The following SAMD4A variants were observed in gnomAD, a reference collection of about 807,000 sequenced individuals.
SAMD4A encodes sterile alpha motif domain containing 4A.
A neutral mutation model predicts 81.3 loss-of-function variants in SAMD4A; 33 were observed. That is an observed-to-expected ratio of 0.41 (90% CI 0.31 to 0.54). The LOEUF (loss-of-function observed/expected upper bound fraction) is 0.54. Ranked by LOEUF, SAMD4A falls within the 20% of genes least tolerant of loss-of-function variation. The pLI, the probability that SAMD4A is intolerant of heterozygous loss-of-function variation, is 0.37. For synonymous variants in SAMD4A, 389 were observed against 382.1 expected, an observed-to-expected ratio of 1.02 and a Z score of -0.21; for missense variants, 854 against 951.1, an observed-to-expected ratio of 0.90 and a Z score of 1.34.
In SAMD4A at chr14:54,656,356, A is replaced by G. The variant is rs567489465; in HGVS notation, c.197-45706A>G. Reference sequence around the variant, plus strand: ...GAAACCATCAAAGGCTTCTCTCTCCATGTCACATCTTTGGAGAGGCTTCTG... The same window carrying G: ...GAAACCATCAAAGGCTTCTCTCTCCGTGTCACATCTTTGGAGAGGCTTCTG... On this transcript the variant is annotated intron_variant, in intron 2 of 12. Transcript: ENST00000554335. 2.0e-4 allele frequency among the ~76,000 whole-genome samples: 31 copies of G among 152,314 alleles called. No individual in the cohort carries two copies. In the South Asian group the frequency reaches 6.4e-3, roughly 32 times the overall value.
At chr14:54,740,373 T>C (rs1406260469) in intron 4 of SAMD4A, among the ~76,000 whole-genome samples, 2 of 152,210 alleles carry the variant, frequency 1.3e-5, no homozygotes, top group African/African-American at 4.8e-5. Context: ...ATTCTAATCG[T>C]TAAACGTCCA....
chr14:54,586,749 T>C (rs1187772999), intron 2 of SAMD4A, among the ~76,000 whole-genome samples: 2 of 152,192 alleles, frequency 1.3e-5, no homozygotes, highest in African/African-American at 4.8e-5. Context: ...TATTTGGCTT[T>C]ATTTCTGGGT....
chr14:54,621,778 T>G (rs1232863082), intron 2 of SAMD4A, among the ~76,000 whole-genome samples: 1 of 152,226 alleles, frequency 6.6e-6, no homozygotes. Flanking sequence ...AGGACATTGA[T>G]GCTTTCTTAT....
At chr14:54,663,760 G>C (rs1217852411) in intron 2 of SAMD4A, among the ~76,000 whole-genome samples, 1 of 152,080 alleles carries the variant, frequency 6.6e-6, no homozygotes, top group African/African-American at 2.4e-5. Flanking sequence ...AGGTACTGTG[G>C]GAGCTCACTT....
At chr14:54,727,833 G>T (rs56097261) in intron 3 of SAMD4A, among the ~76,000 whole-genome samples, 23,835 of 152,066 alleles carry the variant, frequency 0.16, 2,004 homozygotes, top group Middle Eastern at 0.3. Context: ...CACACACACA[G>T]ACACACACGC....
chr14:54,675,721 G>A (rs1456000976), intron 2 of SAMD4A, among the ~76,000 whole-genome samples: 1 of 152,208 alleles, frequency 6.6e-6, no homozygotes, highest in Non-Finnish European at 1.5e-5. Context: ...AACACAGTAT[G>A]TGCTCACCAC....
intron 2 of SAMD4A, among the ~76,000 whole-genome samples, chr14:54,627,147 G>A (rs890950635): frequency 2.6e-5 from 4 of 152,060 alleles, no homozygotes; most frequent in African/African-American, 9.7e-5. Flanking sequence ...CCCAGACTCT[G>A]GAATTAAATT....
intron 2 of SAMD4A, among the ~76,000 whole-genome samples, chr14:54,699,979 T>C (rs756783289): frequency 1.3e-5 from 2 of 152,234 alleles, no homozygotes; most frequent in African/African-American, 2.4e-5. Flanking sequence ...GAGTCAAGCA[T>C]CTCTTCATAT....
chr14:54,765,448 C>A lies in SAMD4A; in HGVS notation c.1596+908C>A, dbSNP rs1448315623. Among the ~76,000 whole-genome samples, 4 of 147,250 alleles carry A rather than the reference C, an allele frequency of 2.7e-5. 1 individual carries two copies. The highest frequency in any genetic ancestry group is 2.0e-4 in the Admixed American group (3 of 14,818). ...GACCTGCCTGGGAAACATATCAAGA[C>A]CCTGTCACTACGAAAAAAAAAAAAA... On this transcript the variant is annotated intron_variant, in intron 8 of 12. Coordinates refer to ENST00000554335, the MANE Select transcript of SAMD4A (RefSeq NM_015589.6).
At chr14:54,630,443 C>A (rs955515911) in intron 2 of SAMD4A, among the ~76,000 whole-genome samples, 1 of 152,168 alleles carries the variant, frequency 6.6e-6, no homozygotes, top group Non-Finnish European at 1.5e-5. Context: ...GTGATGTTGG[C>A]CATCGTCCCA....
intron 2 of SAMD4A, among the ~76,000 whole-genome samples, chr14:54,598,347 A>G (rs1195515220): frequency 6.6e-6 from 1 of 152,184 alleles, no homozygotes; most frequent in East Asian, 1.9e-4. Flanking sequence ...GTTACATGCA[A>G]ATACACAATG....
chr14:54,673,763 C>G (rs903018242), intron 2 of SAMD4A, among the ~76,000 whole-genome samples: 1 of 152,214 alleles, frequency 6.6e-6, no homozygotes, highest in Non-Finnish European at 1.5e-5. Flanking sequence ...AAGAGAGAGC[C>G]TAGCACTTCT....
chr14:54,604,857 A>G (rs960071918), intron 2 of SAMD4A, among the ~76,000 whole-genome samples: 3 of 152,212 alleles, frequency 2.0e-5, no homozygotes, highest in Non-Finnish European at 4.4e-5. Flanking sequence ...AAAAAACAGA[A>G]CATTACCAGT....
At position 54,607,613 on chromosome 14, in the gene SAMD4A, G is replaced by T. The variant is rs559436319; in HGVS notation, c.196+39501G>T. 8.6e-5 allele frequency among the ~76,000 whole-genome samples: 13 copies of T among 151,740 alleles called. No homozygotes were observed. The South Asian group carries it at 2.5e-3, about 29-fold the overall frequency. On this transcript the variant is annotated intron_variant, in intron 2 of 12. Coordinates refer to ENST00000554335, the MANE Select transcript of SAMD4A (RefSeq NM_015589.6). ...TGGGACTACAGGCGCCCGCCACCAT[G>T]CCCGGCTAATTTTTCTATTTTTAGT...
chr14:54,729,819 G>T (rs2037513774), intron 3 of SAMD4A, among the ~76,000 whole-genome samples: 1 of 152,192 alleles, frequency 6.6e-6, no homozygotes, highest in South Asian at 2.1e-4. Flanking sequence ...GAGGATTGAG[G>T]TAGTGTCCTT....
intron 6 of SAMD4A, among the ~76,000 whole-genome samples, chr14:54,752,214 C>G (rs1342534048): frequency 6.6e-6 from 1 of 152,238 alleles, no homozygotes; most frequent in Non-Finnish European, 1.5e-5. Context: ...TAGACAGGTC[C>G]TCTTCTTACC....
chr14:54,577,277 G>T (rs752069606), intron 2 of SAMD4A, among the ~76,000 whole-genome samples: 3 of 152,204 alleles, frequency 2.0e-5, no homozygotes, highest in Non-Finnish European at 4.4e-5. Flanking sequence ...TCTCAAAGAC[G>T]CCCCAAGGCA....
chr14:54,779,067 G>C (rs1301057963), intron 11 of SAMD4A, among the ~76,000 whole-genome samples: 1 of 152,200 alleles, frequency 6.6e-6, no homozygotes, highest in Non-Finnish European at 1.5e-5. Flanking sequence ...TCATCCTAGA[G>C]TCATAGAGTC....
Position 54,742,512 on chromosome 14 carries a change from C to T in SAMD4A, c.979+5225C>T, listed in dbSNP as rs188388622. Reference sequence around the variant, plus strand: ...CAGTTTCAGCATAATATTACACTTACCTGAAGCCAAGTTCATCTGAGGGAC... The same window carrying T: ...CAGTTTCAGCATAATATTACACTTATCTGAAGCCAAGTTCATCTGAGGGAC... On this transcript the variant is annotated intron_variant, in intron 4 of 12. Transcript: ENST00000554335. Among the ~76,000 whole-genome samples, 240 of 152,286 alleles carry T rather than the reference C, an allele frequency of 1.6e-3. 1 individual carries two copies. Among genetic ancestry groups the T allele is most frequent in the African/African-American group, 5.6e-3 (232 of 41,552 alleles).
Sources: allele counts gnomAD v4.1 joint callset (sites outside exome capture counted in the v4.1 genomes callset), GRCh38; gene constraint gnomAD v4.1.1; transcripts MANE v1.5; gene names NCBI Gene and HGNC (gene_info 2026-07-23, HGNC 2026-07-21).